The following ZMAT4 variants were observed in gnomAD, a reference collection of about 807,000 sequenced individuals.
ZMAT4 encodes zinc finger matrin-type 4.
A neutral mutation model predicts 28.7 loss-of-function variants in ZMAT4; 17 were observed. The ratio of observed to expected loss-of-function variants is 0.59; its 90% CI spans 0.41 to 0.89. The LOEUF (loss-of-function observed/expected upper bound fraction) is 0.89, where lower values mean the gene tolerates loss of function less well. Among genes scored for constraint, ZMAT4 ranks in the 40% least tolerant of loss-of-function variants. The probability of loss-of-function intolerance (pLI) is 0.00; values close to 1 mark genes in which losing one functional copy is unlikely to be tolerated. For synonymous variants in ZMAT4, 117 were observed against 109.2 expected, an observed-to-expected ratio of 1.07 and a Z score of -0.44; for missense variants, 240 against 283.8, an observed-to-expected ratio of 0.85 and a Z score of 1.11.
Position 40,722,976 on chromosome 8 carries a change from A to G in ZMAT4, c.193-25575T>C, listed in dbSNP as rs576097251. Among the ~76,000 whole-genome samples, 5 of 152,306 alleles carry G rather than the reference A, an allele frequency of 3.3e-5. No homozygotes were observed. In the South Asian group the frequency reaches 1.0e-3, roughly 32 times the overall value. On this transcript the variant is annotated intron_variant, in intron 3 of 6. Coordinates refer to ENST00000297737, the MANE Select transcript of ZMAT4 (RefSeq NM_024645.3). ...GCATGTGAGGCCCCTACCCACTGGG[A>G]CCATGCCATTTCTTCCCACCCCATT...
intron 6 of ZMAT4, among the ~76,000 whole-genome samples, chr8:40,552,993 C>G (rs1031794323): frequency 1.3e-5 from 2 of 152,106 alleles, no homozygotes; most frequent in Non-Finnish European, 2.9e-5. Context: ...TCAAGGTCAT[C>G]GCCAAGGACT....
chr8:40,598,129 G>A (rs535524380), intron 5 of ZMAT4, among the ~76,000 whole-genome samples: 5 of 152,132 alleles, frequency 3.3e-5, no homozygotes, highest in South Asian at 2.1e-4. Flanking sequence ...TTTTTCATAC[G>A]TCAATATGTG....
intron 4 of ZMAT4, among the ~76,000 whole-genome samples, chr8:40,678,921 C>A (rs921795324): frequency 2.0e-5 from 3 of 152,166 alleles, no homozygotes; most frequent in Admixed American, 2.0e-4. Flanking sequence ...GGACTGCTGT[C>A]CTATCTCCAT....
chr8:40,740,346 A>G (rs566136160), intron 3 of ZMAT4, among the ~76,000 whole-genome samples: 1 of 152,314 alleles, frequency 6.6e-6, no homozygotes, highest in Admixed American at 6.5e-5. Flanking sequence ...CTGACATGAG[A>G]TGGTATCTCA....
In ZMAT4 at chr8:40,530,749, C is replaced by T. The variant is rs1802667070; in HGVS notation, c.*1474G>A. On this transcript the variant is annotated 3_prime_UTR_variant, in exon 7 of 7. Coordinates refer to ENST00000297737, the MANE Select transcript of ZMAT4 (RefSeq NM_024645.3). Reference sequence around the variant, plus strand: ...GCAAAATAGATTCTTCCCATCCAACCCCCTTTCCTCTTGTAGAGTAGGGTG... The same window carrying T: ...GCAAAATAGATTCTTCCCATCCAACTCCCTTTCCTCTTGTAGAGTAGGGTG... 1 of 152,602 alleles carries T rather than the reference C, an allele frequency of 6.6e-6. No individual in the cohort carries two copies. The highest frequency in any genetic ancestry group is 6.5e-5 in the Admixed American group (1 of 15,282). 9.5% of individuals were successfully genotyped at this position (152,602 alleles called of 1,614,324 possible). A position where few individuals can be genotyped will look rare whatever the true frequency, so the allele number is the denominator to read the frequency against.
intron 5 of ZMAT4, among the ~76,000 whole-genome samples, chr8:40,648,184 T>G (rs942912100): frequency 6.6e-6 from 1 of 152,142 alleles, no homozygotes; most frequent in African/African-American, 2.4e-5. Flanking sequence ...GAAAAAAATT[T>G]AGAAGAACGT....
intron 3 of ZMAT4, among the ~76,000 whole-genome samples, chr8:40,718,886 C>T (rs756118852): frequency 1.3e-5 from 2 of 152,162 alleles, no homozygotes; most frequent in African/African-American, 2.4e-5. Context: ...TTTCTGATGA[C>T]ATTCTTCCTC....
intron 5 of ZMAT4, among the ~76,000 whole-genome samples, chr8:40,602,378 C>T (rs1010036128): frequency 6.6e-6 from 1 of 152,082 alleles, no homozygotes; most frequent in Admixed American, 6.5e-5. Context: ...TGGGTAGATT[C>T]CCAAGTAGTG....
At chr8:40,612,349 C>G (rs1563366283) in intron 5 of ZMAT4, among the ~76,000 whole-genome samples, 1 of 137,848 alleles carries the variant, frequency 7.3e-6, no homozygotes, top group South Asian at 2.3e-4. Context: ...AATGCAGGTT[C>G]TATGCCATAT....
chr8:40,750,527 G>A (rs1457889654), intron 3 of ZMAT4, among the ~76,000 whole-genome samples: 1 of 152,122 alleles, frequency 6.6e-6, no homozygotes, highest in Non-Finnish European at 1.5e-5. Context: ...AGACATAGAA[G>A]GAAAGGAATT....
chr8:40,736,636 C>A (rs1811773450), intron 3 of ZMAT4, among the ~76,000 whole-genome samples: 1 of 152,154 alleles, frequency 6.6e-6, no homozygotes. Flanking sequence ...AAATACATAA[C>A]AAAAGGAGTT....
Position 40,825,575 on chromosome 8 carries a change from C to A in ZMAT4, c.102G>T (p.Glu34Asp). The A allele has an allele frequency of 6.4e-7, 1 of 1,551,874 alleles. No individual in the cohort carries two copies. The highest frequency in any genetic ancestry group is 1.2e-5 in the South Asian group (1 of 84,084). Residue 34 changes from glutamate to aspartate, a missense_variant and splice_region_variant, in exon 2 of 7, where the codon GAG becomes GAT. Glu to Asp is a conservative substitution (Grantham distance 45). Coordinates refer to ENST00000297737, the MANE Select transcript of ZMAT4 (RefSeq NM_024645.3). ...ACAGAGTGGGAAACGCTGTCCTTAC[C>A]TCGTAGTGGGCCACACGCTGCGATT... ...ISESQRVAHY[E>D]SRKHASKVRL...
intron 5 of ZMAT4, among the ~76,000 whole-genome samples, chr8:40,625,570 G>A (rs1253287309): frequency 6.6e-6 from 1 of 151,900 alleles, no homozygotes; most frequent in Non-Finnish European, 1.5e-5. Flanking sequence ...GGAAAGAAAG[G>A]AACTGATCAT....
intron 5 of ZMAT4, among the ~76,000 whole-genome samples, chr8:40,668,017 C>T (rs775325613): frequency 7.2e-5 from 11 of 152,030 alleles, no homozygotes; most frequent in Non-Finnish European, 1.0e-4. Context: ...TAATATGATT[C>T]GAGAAAAAGT....
chr8:40,540,651 T>C (rs1802999405), intron 6 of ZMAT4, among the ~76,000 whole-genome samples: 1 of 152,188 alleles, frequency 6.6e-6, no homozygotes, highest in African/African-American at 2.4e-5. Context: ...TGTAGCCAAT[T>C]GGTCAGAAGT....
intron 5 of ZMAT4, among the ~76,000 whole-genome samples, chr8:40,673,687 T>C (rs890853113): frequency 2.6e-5 from 4 of 152,176 alleles, no homozygotes; most frequent in African/African-American, 9.7e-5. Context: ...ATGTAGGTGA[T>C]CAAAAATGCT....
At chr8:40,844,439 C>T (rs146827936) in intron 1 of ZMAT4, among the ~76,000 whole-genome samples, 1 of 152,216 alleles carries the variant, frequency 6.6e-6, no homozygotes, top group East Asian at 1.9e-4. Flanking sequence ...TCTTCTCTGG[C>T]CCCTGGGATA....
In ZMAT4 at chr8:40,704,372, C is replaced by T. The variant is rs1254968558; in HGVS notation, c.193-6971G>A. Among the ~76,000 whole-genome samples, 5 of 152,176 alleles carry T rather than the reference C, an allele frequency of 3.3e-5. No individual in the cohort carries two copies. The East Asian group carries it at 5.8e-4, about 18-fold the overall frequency. On this transcript the variant is annotated intron_variant, in intron 3 of 6. Coordinates refer to ENST00000297737, the MANE Select transcript of ZMAT4 (RefSeq NM_024645.3). Reference sequence around the variant, plus strand: ...CCCTTTCCACTCCATTTGGGTCAAGCTGTTCTCTCTCCTCCTGACCTGTTT... The same window carrying T: ...CCCTTTCCACTCCATTTGGGTCAAGTTGTTCTCTCTCCTCCTGACCTGTTT...
rs931540226 is a variant in ZMAT4, at chr8:40,550,759, C to T, written c.675-18521G>A. On this transcript the variant is annotated intron_variant, in intron 6 of 6. Transcript: ENST00000297737. ...CACCATGATTGTAAGTTTCCTGAGGCCTCCCCAGCAATGCAGAATTATGAG... is the reference window on the plus strand; with the variant it reads ...CACCATGATTGTAAGTTTCCTGAGGTCTCCCCAGCAATGCAGAATTATGAG... Among the ~76,000 whole-genome samples the T allele has an allele frequency of 2.6e-5, 4 of 152,208 alleles. No homozygotes were observed. In the East Asian group the frequency reaches 7.7e-4, roughly 29 times the overall value.
Sources: allele counts gnomAD v4.1 joint callset (sites outside exome capture counted in the v4.1 genomes callset), GRCh38; gene constraint gnomAD v4.1.1; transcripts MANE v1.5; gene names NCBI Gene and HGNC (gene_info 2026-07-23, HGNC 2026-07-21).